Variants in GABBR2 observed in about 807,000 individuals in gnomAD.
The protein encoded by GABBR2 is G-protein coupled receptor 51.
In GABBR2, 23 loss-of-function variants were observed where a neutral mutation model predicts 105.6. That is an observed-to-expected ratio of 0.22 (90% CI 0.16 to 0.31). GABBR2 has a LOEUF of 0.31. Among genes scored for constraint, GABBR2 ranks in the 10% least tolerant of loss-of-function variants. The pLI is 1.00. For missense variants in GABBR2, 734 were observed against 1,245.5 expected, an observed-to-expected ratio of 0.59 and a Z score of 6.18; for synonymous variants, 478 against 499.7, an observed-to-expected ratio of 0.96 and a Z score of 0.58.
At chr9:98,678,407 G>A (rs966863084) in intron 1 of GABBR2, among the ~76,000 whole-genome samples, 11 of 152,138 alleles carry the variant, frequency 7.2e-5, no homozygotes, top group Admixed American at 3.9e-4. Flanking sequence ...GCCCCAACGC[G>A]GTGGCACCTT....
At chr9:98,540,492 A>G (rs1157999616) in intron 3 of GABBR2, among the ~76,000 whole-genome samples, 1 of 152,168 alleles carries the variant, frequency 6.6e-6, no homozygotes, top group African/African-American at 2.4e-5. Context: ...TGGAAGAGAC[A>G]GGGGGCAAGA....
At chr9:98,347,062 T>G (rs1481847930) in intron 13 of GABBR2, among the ~76,000 whole-genome samples, 1 of 152,220 alleles carries the variant, frequency 6.6e-6, no homozygotes, top group Non-Finnish European at 1.5e-5. Context: ...ATCCTTTTGA[T>G]ATATTGATTT....
At chr9:98,377,563 C>T (rs1391653152) in intron 11 of GABBR2, among the ~76,000 whole-genome samples, 2 of 152,202 alleles carry the variant, frequency 1.3e-5, no homozygotes, top group Non-Finnish European at 2.9e-5. Flanking sequence ...TCTACACTGC[C>T]AGCTCCTCGA....
chr9:98,447,060 C>CTTTTTT (rs1564072366), intron 7 of GABBR2, among the ~76,000 whole-genome samples: 2 of 115,874 alleles, frequency 1.7e-5, no homozygotes, highest in Admixed American at 9.3e-5. Flanking sequence ...CTAAAAAAGA[C>CTTTTTT]TTCTTTTTTT....
intron 3 of GABBR2, among the ~76,000 whole-genome samples, chr9:98,517,992 G>A (rs573889139): frequency 6.6e-6 from 1 of 152,292 alleles, no homozygotes; most frequent in Admixed American, 6.5e-5. Context: ...GAGTTAGGGA[G>A]CCTATGGGAG....
At chr9:98,488,831 G>A (rs1588190607) in intron 4 of GABBR2, among the ~76,000 whole-genome samples, 1 of 152,198 alleles carries the variant, frequency 6.6e-6, no homozygotes, top group African/African-American at 2.4e-5. Flanking sequence ...TGGAGGTTAA[G>A]AGCCAGTCTG....
chr9:98,415,404 ATTAAT>A (rs148482987), intron 7 of GABBR2, among the ~76,000 whole-genome samples: 1,729 of 152,230 alleles, frequency 0.011, 34 homozygotes, highest in African/African-American at 0.039. Context: ...AATTTTACAG[ATTAAT>A]TTATTTACTG....
At chr9:98,470,767 A>C (rs1426606998) in intron 6 of GABBR2, among the ~76,000 whole-genome samples, 1 of 152,136 alleles carries the variant, frequency 6.6e-6, no homozygotes, top group African/African-American at 2.4e-5. Flanking sequence ...GTCTTTATTT[A>C]AAATTTTGAC....
intron 3 of GABBR2, among the ~76,000 whole-genome samples, chr9:98,501,129 C>T (rs554781932): frequency 4.3e-4 from 62 of 143,858 alleles, no homozygotes; most frequent in African/African-American, 1.4e-3. Context: ...ACCACTGCCC[C>T]CCCCCCTTCC....
chr9:98,531,892 C>T (rs554223761), intron 3 of GABBR2, among the ~76,000 whole-genome samples: 13 of 152,254 alleles, frequency 8.5e-5, no homozygotes, highest in South Asian at 4.2e-4. Context: ...AATAAACAGG[C>T]GGCTAAGTGC....
At chr9:98,648,979 G>C (rs1267200597) in intron 1 of GABBR2, among the ~76,000 whole-genome samples, 1 of 152,100 alleles carries the variant, frequency 6.6e-6, no homozygotes, top group Non-Finnish European at 1.5e-5. Context: ...TTTTTAAATG[G>C]GTCATGCTGG....
intron 6 of GABBR2, among the ~76,000 whole-genome samples, chr9:98,468,454 G>A (rs928007208): frequency 6.6e-6 from 1 of 152,148 alleles, no homozygotes; most frequent in Admixed American, 6.5e-5. Context: ...AGTGAATAAA[G>A]CACTAATTTC....
chr9:98,544,218 C>T (rs1588221110), intron 2 of GABBR2, among the ~76,000 whole-genome samples: 1 of 152,182 alleles, frequency 6.6e-6, no homozygotes, highest in African/African-American at 2.4e-5. Context: ...GTACCCTCAG[C>T]CTCCAGCTAA....
At chr9:98,398,423 A>G (rs1832332703) in intron 8 of GABBR2, among the ~76,000 whole-genome samples, 1 of 152,006 alleles carries the variant, frequency 6.6e-6, no homozygotes, top group East Asian at 1.9e-4. Flanking sequence ...GCCCTGGGGA[A>G]GTCCCATCCC....
chr9:98,496,374 G>C (rs777094821), intron 4 of GABBR2, 39 bp downstream of exon 4: 2 of 1,283,072 alleles, frequency 1.6e-6, no homozygotes, highest in Non-Finnish European at 2.3e-6. Flanking sequence ...AGGGCATTGA[G>C]ATCAGTCTGC....
chr9:98,461,353 T>TA (rs899512410), intron 6 of GABBR2, among the ~76,000 whole-genome samples: 22 of 152,156 alleles, frequency 1.4e-4, no homozygotes, highest in Admixed American at 1.0e-3. Context: ...TGATATTGAT[T>TA]AAAAGATAGA....
At chr9:98,505,646 G>A (rs1399761137) in intron 3 of GABBR2, among the ~76,000 whole-genome samples, 1 of 152,182 alleles carries the variant, frequency 6.6e-6, no homozygotes, top group Non-Finnish European at 1.5e-5. Flanking sequence ...TAAATCCAAT[G>A]TTAAGGATTC....
intron 2 of GABBR2, among the ~76,000 whole-genome samples, chr9:98,565,196 C>T (rs530731737): frequency 2.6e-5 from 4 of 152,288 alleles, no homozygotes; most frequent in African/African-American, 9.6e-5. Context: ...TGTCCTACAC[C>T]TGGAAAGCTC....
At chr9:98,336,498 G>A (rs530602308) in intron 13 of GABBR2, among the ~76,000 whole-genome samples, 351 of 152,336 alleles carry the variant, frequency 2.3e-3, no homozygotes, top group Middle Eastern at 3.4e-3. Flanking sequence ...AAAGTCAGGA[G>A]TTTGAGACCA....
Sources: gnomAD v4.1 joint callset for allele counts (sites outside exome capture counted in the v4.1 genomes callset) on GRCh38, gnomAD v4.1.1 for gene constraint, MANE v1.5 for transcripts, NCBI Gene and HGNC (gene_info 2026-07-23, HGNC 2026-07-21) for gene names.